ATP7A: variants seen among roughly 807,000 people sequenced by gnomAD.
The protein encoded by ATP7A is copper-transporting ATPase 1.
A neutral mutation model predicts 83.5 loss-of-function variants in ATP7A; 7 were observed. The ratio of observed to expected loss-of-function variants is 0.08; its 90% CI spans 0.05 to 0.16. The LOEUF is 0.16. ATP7A is among the 10% of genes least tolerant of loss of function. The pLI, the probability that ATP7A is intolerant of heterozygous loss-of-function variation, is 1.00. For missense variants in ATP7A, 940 were observed against 1,120.8 expected, an observed-to-expected ratio of 0.84 and a Z score of 2.30; for synonymous variants, 354 against 395.2, an observed-to-expected ratio of 0.90 and a Z score of 1.24.
At chrX:77,995,896 A>G (rs1283540355) in intron 4 of ATP7A, among the ~76,000 whole-genome samples, 1 of 110,872 alleles carries the variant, frequency 9.0e-6, no homozygotes, top group African/African-American at 3.3e-5. Flanking sequence ...GGCTCACGCC[A>G]CCATGCCCGG....
At chrX:77,991,636 G>A (rs782808114) in intron 4 of ATP7A, among the ~76,000 whole-genome samples, 1 of 111,335 alleles carries the variant, frequency 9.0e-6, no homozygotes, top group African/African-American at 3.3e-5. Flanking sequence ...TTGAGGGACT[G>A]CCAGACTGTT....
At chrX:77,914,648 C>T (rs782400378) in intron 1 of ATP7A, among the ~76,000 whole-genome samples, 4 of 110,923 alleles carry the variant, frequency 3.6e-5, no homozygotes, top group Non-Finnish European at 5.7e-5. Flanking sequence ...AAGTGATCCA[C>T]CCTCCTCAGC....
At chrX:77,991,727 T>A (rs1169469221) in intron 4 of ATP7A, among the ~76,000 whole-genome samples, 1 of 111,026 alleles carries the variant, frequency 9.0e-6, no homozygotes, top group Non-Finnish European at 1.9e-5. Context: ...TTGAGATTTT[T>A]AAATTAGAAT....
intron 2 of ATP7A, among the ~76,000 whole-genome samples, chrX:77,979,034 G>T (rs1453250734): frequency 9.1e-6 from 1 of 110,494 alleles, no homozygotes; most frequent in African/African-American, 3.3e-5. Context: ...GTTTCACCAT[G>T]TTGGCCAGGC....
intron 1 of ATP7A, among the ~76,000 whole-genome samples, chrX:77,943,142 G>A (rs2077360617): frequency 1.8e-5 from 2 of 112,214 alleles, no homozygotes; most frequent in African/African-American, 6.5e-5. Context: ...ACTAATTATA[G>A]TGAGACTTGT....
At chrX:78,036,657 G>A (rs1181248663) in intron 17 of ATP7A, among the ~76,000 whole-genome samples, 4 of 111,301 alleles carry the variant, frequency 3.6e-5, no homozygotes, top group African/African-American at 9.8e-5. Context: ...GAGGCGGGTG[G>A]ATCACTTCAG....
intron 1 of ATP7A, among the ~76,000 whole-genome samples, chrX:77,934,190 G>T (rs2077306482): frequency 1.8e-5 from 2 of 111,263 alleles, no homozygotes; most frequent in Admixed American, 9.5e-5. Flanking sequence ...GAGGCAGGAG[G>T]ATTGCTTGAG....
At chrX:77,932,434 CAG>C (rs1397005752) in intron 1 of ATP7A, among the ~76,000 whole-genome samples, 1 of 106,900 alleles carries the variant, frequency 9.4e-6, no homozygotes, top group African/African-American at 3.5e-5. Context: ...GGCAGCCAGG[CAG>C]AGCGGCTCCT....
At chrX:78,015,952 A>G (rs782701623) in intron 12 of ATP7A, 71 bp downstream of exon 12, 4 of 1,102,672 alleles carry the variant, frequency 3.6e-6, no homozygotes, top group African/African-American at 1.8e-5. Context: ...CACTTTTTGT[A>G]GAAGCTATGA....
chrX:78,009,332 G>A (rs1557234124), intron 7 of ATP7A, 69 bp downstream of exon 7: 2 of 1,094,404 alleles, frequency 1.8e-6, no homozygotes, highest in East Asian at 6.0e-5. Flanking sequence ...ATCATTTCTG[G>A]TTTGCATCAG....
At chrX:78,037,069 C>T (rs1430362984) in intron 17 of ATP7A, among the ~76,000 whole-genome samples, 1 of 111,336 alleles carries the variant, frequency 9.0e-6, no homozygotes, top group Admixed American at 9.6e-5. Context: ...GATGGGGGAT[C>T]CCACAGGAGG....
chrX:78,039,059 C>T (rs1243304037), intron 18 of ATP7A, 77 bp downstream of exon 18: 1 of 1,058,924 alleles, frequency 9.4e-7, no homozygotes. Flanking sequence ...TGAGAGACCT[C>T]TGAACTATGA....
At chrX:77,913,816 T>C (rs1181067843) in intron 1 of ATP7A, among the ~76,000 whole-genome samples, 1 of 111,830 alleles carries the variant, frequency 8.9e-6, no homozygotes, top group African/African-American at 3.2e-5. Flanking sequence ...CTTTGTACCA[T>C]ATTTTCTGTT....
chrX:77,955,902 T>C (rs1347030040), intron 1 of ATP7A, among the ~76,000 whole-genome samples: 1 of 109,144 alleles, frequency 9.2e-6, no homozygotes, highest in Non-Finnish European at 1.9e-5. Flanking sequence ...TATTTGTCTT[T>C]CTGTGTCTGG....
intron 5 of ATP7A, among the ~76,000 whole-genome samples, chrX:77,999,376 A>C (rs2077724815): frequency 8.9e-6 from 1 of 111,849 alleles, no homozygotes; most frequent in South Asian, 3.7e-4. Flanking sequence ...ACCCAGACCA[A>C]GCACCAGACC....
chrX:78,047,773 G>C lies in ATP7A; in HGVS notation c.*1203G>C, dbSNP rs2078091978. On this transcript the variant is annotated 3_prime_UTR_variant, in exon 23 of 23. Transcript: ENST00000341514. ...TTCAGTAGAGACGGGGTTTCGCCAT[G>C]TTGGCTAGCCTGGTCTTAAACTCCT... is the stretch of plus-strand genomic sequence containing the variant. 1 of 111,662 alleles carries C rather than the reference G, an allele frequency of 9.0e-6. No individual in the cohort carries two copies. The highest frequency in any genetic ancestry group is 3.3e-5 in the African/African-American group (1 of 30,702). 9.2% of individuals were successfully genotyped at this position (111,662 alleles called of 1,213,427 possible). A position where few individuals can be genotyped will look rare whatever the true frequency, so the allele number is the denominator to read the frequency against.
chrX:77,971,215 TG>T (rs781830975), intron 1 of ATP7A, among the ~76,000 whole-genome samples: 7 of 111,713 alleles, frequency 6.3e-5, no homozygotes, highest in African/African-American at 1.9e-4. Context: ...GGGACAGGCA[TG>T]GGAAATCATG....
rs1728122183 is a variant in ATP7A at position 78,049,102 on chromosome X, C to A, written c.*2532C>A. 1 of 111,867 alleles carries A rather than the reference C, an allele frequency of 8.9e-6. No homozygotes were observed. Among genetic ancestry groups the A allele is most frequent in the African/African-American group, 3.2e-5 (1 of 30,870 alleles). 9.2% of individuals were successfully genotyped at this position (111,867 alleles called of 1,213,427 possible). Reference sequence around the variant, plus strand: ...AATCCTCTACCACAAGTCTTTTTTGCAATCTTGAACTTTCATTAGCTTCAA... The same window carrying A: ...AATCCTCTACCACAAGTCTTTTTTGAAATCTTGAACTTTCATTAGCTTCAA... On this transcript the variant is annotated 3_prime_UTR_variant, in exon 23 of 23. Transcript: ENST00000341514.
chrX:77,917,590 A>C (rs1237075865), intron 1 of ATP7A, among the ~76,000 whole-genome samples: 14 of 112,292 alleles, frequency 1.2e-4, no homozygotes, highest in African/African-American at 4.5e-4. Flanking sequence ...AGAGAAATAA[A>C]TACATTCTGT....
Sources: gnomAD v4.1 joint callset for allele counts (sites outside exome capture counted in the v4.1 genomes callset) on GRCh38, gnomAD v4.1.1 for gene constraint, MANE v1.5 for transcripts, NCBI Gene and HGNC (gene_info 2026-07-23, HGNC 2026-07-21) for gene names.